Variants in MAP3K19 observed in about 807,000 individuals in gnomAD.
MAP3K19 encodes SPS1/STE20-related protein kinase YSK4.
Under a neutral mutation model 114.4 loss-of-function variants are expected in MAP3K19, and 91 were observed. The ratio of observed to expected loss-of-function variants is 0.80; its 90% confidence interval spans 0.67 to 0.95. The LOEUF (loss-of-function observed/expected upper bound fraction) is 0.95. Among genes scored for constraint, MAP3K19 ranks in the 40% least tolerant of loss-of-function variants. The probability of loss-of-function intolerance (pLI) is 0.00; values close to 1 mark genes in which losing one functional copy is unlikely to be tolerated. For synonymous variants in MAP3K19, 518 were observed against 530.5 expected (o/e 0.98, Z 0.32); for missense variants, 1,471 against 1,573.2 (o/e 0.94, Z 1.10).
chr2:134,987,517 A>G lies in MAP3K19; in HGVS notation c.1355T>C (p.Ile452Thr), dbSNP rs780855832. ...SLSSVVFDDP[I>T]DKLPEGCSSM... ...GCTACAACCTTCTGGGAGTTTATCA[A>G]TGGGGTCATCAAAGACTACACTGGA... The change falls in exon 10 of 13, where the codon ATT becomes ACT. Residue 452 changes from isoleucine to threonine, a missense_variant. Ile to Thr is a moderately conservative substitution (Grantham distance 89). Coordinates refer to ENST00000392915, the MANE Select transcript of MAP3K19 (RefSeq NM_025052.5). The G allele has an allele frequency of 7.0e-5, 113 of 1,614,034 alleles. No individual in the cohort carries two copies. Among genetic ancestry groups the G allele is most frequent in the Non-Finnish European group, 9.0e-5 (106 of 1,180,044 alleles).
intron 4 of MAP3K19, among the ~76,000 whole-genome samples, chr2:135,022,751 A>T (rs1688067843): frequency 6.6e-6 from 1 of 152,202 alleles, no homozygotes; most frequent in African/African-American, 2.4e-5. Context: ...ATTAATAGCG[A>T]TCAACAGTTA....
chr2:135,015,918 G>C (rs1574026796), intron 5 of MAP3K19, among the ~76,000 whole-genome samples: 1 of 151,876 alleles, frequency 6.6e-6, no homozygotes, highest in African/African-American at 2.4e-5. Context: ...TTTGTTGCCA[G>C]CTCCAAGGTC....
chr2:134,973,720 T>C (rs1028124351), intron 12 of MAP3K19, among the ~76,000 whole-genome samples: 1 of 152,168 alleles, frequency 6.6e-6, no homozygotes, highest in African/African-American at 2.4e-5. Flanking sequence ...TGGTTTTCTG[T>C]AGTGTTAACG....
chr2:135,046,278 ATTG>A (rs756859437), intron 1 of MAP3K19, among the ~76,000 whole-genome samples: 14 of 151,372 alleles, frequency 9.2e-5, no homozygotes, highest in Admixed American at 3.9e-4. Context: ...TGTTGTTGTT[ATTG>A]TTGTTGTTGT....
intron 12 of MAP3K19, among the ~76,000 whole-genome samples, chr2:134,977,305 C>A (rs1405597998): frequency 2.0e-5 from 3 of 149,162 alleles, no homozygotes; most frequent in Admixed American, 6.7e-5. Context: ...CCTCAGCCTT[C>A]TGAGTCACTG....
intron 10 of MAP3K19, among the ~76,000 whole-genome samples, chr2:134,985,152 C>G (rs1361656571): frequency 6.6e-6 from 1 of 152,138 alleles, no homozygotes; most frequent in Non-Finnish European, 1.5e-5. Flanking sequence ...CATGCCAACT[C>G]TCATGCCAAA....
intron 4 of MAP3K19, among the ~76,000 whole-genome samples, chr2:135,022,880 C>T (rs150553447): frequency 1.3e-5 from 2 of 152,266 alleles, no homozygotes; most frequent in East Asian, 3.9e-4. Flanking sequence ...CACTCAGCTC[C>T]TCTGAACACA....
intron 2 of MAP3K19, among the ~76,000 whole-genome samples, chr2:135,031,478 G>A (rs868293118): frequency 6.6e-6 from 1 of 152,192 alleles, no homozygotes; most frequent in Non-Finnish European, 1.5e-5. Context: ...AGAAGGAGAT[G>A]TGGGTGGAGA....
rs1272992196 is a variant in MAP3K19 at position 134,987,083 on chromosome 2, T to C, written c.1789A>G (p.Ile597Val). ...CGGTGAGTTGATTGCTTCTTTGCTA[T>C]CTGTGGCATTTTCTTTTGAAACCTG... ...LPRFQKKMPQ[I>V]AKKQSTHRTQ... is the part of the protein sequence containing the mutation. Residue 597 changes from isoleucine (I) to valine (V), a missense_variant, in exon 10 of 13, where the codon ATA becomes GTA. By Grantham distance (29) the Ile-to-Val change is conservative (BLOSUM62 3). Coordinates refer to ENST00000392915, the MANE Select transcript of MAP3K19 (RefSeq NM_025052.5). 6.2e-7 allele frequency: 1 copy of C among 1,613,174 alleles called. No individual in the cohort carries two copies. Among genetic ancestry groups the C allele is most frequent in the Non-Finnish European group, 8.5e-7 (1 of 1,179,982 alleles).
chr2:135,044,996 G>A (rs1030249052), intron 1 of MAP3K19, among the ~76,000 whole-genome samples: 7 of 152,072 alleles, frequency 4.6e-5, no homozygotes, highest in Non-Finnish European at 5.9e-5. Flanking sequence ...TATGTTCACC[G>A]TATTTTATTA....
At chr2:134,974,070 C>T (rs550141471) in intron 12 of MAP3K19, among the ~76,000 whole-genome samples, 25 of 152,188 alleles carry the variant, frequency 1.6e-4, no homozygotes, top group Non-Finnish European at 2.6e-4. Flanking sequence ...GGCACAATCT[C>T]GGCTCACTGC....
intron 2 of MAP3K19, among the ~76,000 whole-genome samples, chr2:135,034,687 C>T (rs1322993024): frequency 7.0e-6 from 1 of 142,348 alleles, no homozygotes; most frequent in South Asian, 2.5e-4. Context: ...GCGCTACAGG[C>T]ACTCGGCAGG....
At chr2:135,030,670 A>C (rs1688359234) in intron 2 of MAP3K19, among the ~76,000 whole-genome samples, 170 bp from the exon 3 acceptor site, 1 of 152,208 alleles carries the variant, frequency 6.6e-6, no homozygotes. Context: ...TGATTTTTGG[A>C]TAGTCTTTTT....
intron 5 of MAP3K19, among the ~76,000 whole-genome samples, chr2:135,006,258 G>T (rs894843632): frequency 6.6e-6 from 1 of 152,174 alleles, no homozygotes; most frequent in African/African-American, 2.4e-5. Flanking sequence ...AACCATGATA[G>T]ATCCAAGTAA....
intron 12 of MAP3K19, among the ~76,000 whole-genome samples, chr2:134,968,678 C>T (rs1222899700): frequency 1.3e-4 from 19 of 146,638 alleles, no homozygotes; most frequent in African/African-American, 3.8e-4. Context: ...GACGGGGTCG[C>T]GGCCGGGCAG....
At position 134,986,098 on chromosome 2, in the gene MAP3K19, T is replaced by C. The variant is rs1209731700; in HGVS notation, c.2774A>G (p.His925Arg). The C allele has an allele frequency of 3.7e-6, 6 of 1,613,950 alleles. No homozygotes were observed. The highest frequency in any genetic ancestry group is 5.1e-6 in the Non-Finnish European group (6 of 1,179,990). ...ASSQTYQYWV[H>R]YLDHDSLANK... Reference sequence around the variant, plus strand: ...TGCTAAACTATCATGATCCAAATAATGTACCCAATATTGATATGTCTGGGA... The same window carrying C: ...TGCTAAACTATCATGATCCAAATAACGTACCCAATATTGATATGTCTGGGA... The change falls in exon 10 of 13, where the codon CAT becomes CGT. Residue 925 changes from histidine to arginine, a missense_variant. His to Arg is a conservative substitution (Grantham distance 29). Transcript: ENST00000392915.
At chr2:135,021,631 G>C in intron 5 of MAP3K19, 84 bp downstream of exon 5, 2 of 668,718 alleles carry the variant, frequency 3.0e-6, no homozygotes, top group Non-Finnish European at 2.5e-6. Context: ...TGTAATATAT[G>C]AGTGTTATGA....
At chr2:135,044,220 A>G (rs1688696258) in intron 1 of MAP3K19, among the ~76,000 whole-genome samples, 1 of 152,212 alleles carries the variant, frequency 6.6e-6, no homozygotes. Flanking sequence ...TCCCTATTCT[A>G]TAGATGAGGA....
chr2:134,983,441 C>G (rs1684851702), intron 11 of MAP3K19: 1 of 593,070 alleles, frequency 1.7e-6, no homozygotes, highest in Non-Finnish European at 3.1e-6. Context: ...ATTGTCTGAT[C>G]CCTGAAGCCT....
Sources: gnomAD v4.1 joint callset for allele counts (sites outside exome capture counted in the v4.1 genomes callset) on GRCh38, gnomAD v4.1.1 for gene constraint, MANE v1.5 for transcripts, NCBI Gene and HGNC (gene_info 2026-07-23, HGNC 2026-07-21) for gene names.